ATRN: variants seen among roughly 807,000 people sequenced by gnomAD.
ATRN encodes attractin.
Under a neutral mutation model 178.7 loss-of-function variants are expected in ATRN, and 54 were observed. The ratio of observed to expected loss-of-function variants is 0.30; its 90% CI spans 0.24 to 0.38. The LOEUF (loss-of-function observed/expected upper bound fraction) is 0.38. Ranked by LOEUF, ATRN falls within the 10% of genes least tolerant of loss-of-function variation. The pLI is 1.00. For synonymous variants in ATRN, 636 were observed against 663.0 expected (o/e 0.96, Z 0.63); for missense variants, 1,443 against 1,815.1 (o/e 0.79, Z 3.73).
chr20:3,556,941 C>T (rs1384542153), intron 6 of ATRN, among the ~76,000 whole-genome samples: 1 of 152,146 alleles, frequency 6.6e-6, no homozygotes, highest in Non-Finnish European at 1.5e-5. Flanking sequence ...GAGCAAAATA[C>T]ATTAAGAGAC....
intron 15 of ATRN, among the ~76,000 whole-genome samples, chr20:3,579,183 C>T (rs1198579255): frequency 6.6e-6 from 1 of 152,084 alleles, no homozygotes; most frequent in African/African-American, 2.4e-5. Flanking sequence ...TGTATAATTA[C>T]CACTAAGAAG....
At chr20:3,491,876 G>A (rs1365203228) in intron 1 of ATRN, among the ~76,000 whole-genome samples, 1 of 152,128 alleles carries the variant, frequency 6.6e-6, no homozygotes, top group Non-Finnish European at 1.5e-5. Context: ...AAAATTTCTG[G>A]AAAGTGTAAG....
chr20:3,500,533 G>T (rs1276894237), intron 1 of ATRN, among the ~76,000 whole-genome samples: 1 of 151,618 alleles, frequency 6.6e-6, no homozygotes, highest in Non-Finnish European at 1.5e-5. Context: ...CATGTCCTTT[G>T]TAGGGACATG....
intron 13 of ATRN, among the ~76,000 whole-genome samples, chr20:3,576,551 C>T (rs2086211772): frequency 6.6e-6 from 1 of 152,046 alleles, no homozygotes; most frequent in Admixed American, 6.6e-5. Flanking sequence ...TCCCATTTTA[C>T]AGATGAGCAG....
chr20:3,492,501 G>A (rs1049298977), intron 1 of ATRN, among the ~76,000 whole-genome samples: 2 of 152,074 alleles, frequency 1.3e-5, no homozygotes, highest in Non-Finnish European at 2.9e-5. Flanking sequence ...GCTGCTGAAG[G>A]TAGCCAGAGG....
At chr20:3,626,553 C>T (rs182732059) in intron 25 of ATRN, among the ~76,000 whole-genome samples, 252 of 152,158 alleles carry the variant, frequency 1.7e-3, no homozygotes, top group Non-Finnish European at 2.5e-3. Context: ...CTTATTTCTT[C>T]TCTGTCAGTT....
chr20:3,543,798 C>T (rs879456507), intron 3 of ATRN, among the ~76,000 whole-genome samples: 1 of 151,912 alleles, frequency 6.6e-6, no homozygotes, highest in African/African-American at 2.4e-5. Flanking sequence ...TTTGTGAGGC[C>T]GAGGCAGGAG....
At chr20:3,560,298 C>T (rs1447819521) in intron 7 of ATRN, among the ~76,000 whole-genome samples, 1 of 152,120 alleles carries the variant, frequency 6.6e-6, no homozygotes, top group East Asian at 1.9e-4. Context: ...CCAGTTCAGT[C>T]CATGTTGCTA....
At chr20:3,564,771 A>C (rs1348384910) in intron 10 of ATRN, among the ~76,000 whole-genome samples, 1 of 152,178 alleles carries the variant, frequency 6.6e-6, no homozygotes, top group African/African-American at 2.4e-5. Context: ...TGCTTGCTTT[A>C]AAAAACATTC....
intron 9 of ATRN, 144 bp from the exon 10 acceptor site, chr20:3,563,065 A>C (rs1417745452): frequency 2.9e-6 from 2 of 681,738 alleles, no homozygotes; most frequent in Non-Finnish European, 4.5e-6. Flanking sequence ...TTGTTGAAAA[A>C]CTTACTTTTA....
intron 1 of ATRN, among the ~76,000 whole-genome samples, chr20:3,524,302 T>A (rs2085335304): frequency 6.9e-6 from 1 of 145,638 alleles, no homozygotes; most frequent in African/African-American, 2.5e-5. Flanking sequence ...CCAACAAAGA[T>A]CAAAAAAGAC....
intron 19 of ATRN, among the ~76,000 whole-genome samples, chr20:3,593,890 T>G (rs1226580517): frequency 6.6e-6 from 1 of 152,168 alleles, no homozygotes; most frequent in African/African-American, 2.4e-5. Flanking sequence ...GTTGGCCAGA[T>G]GAGGGAGATG....
chr20:3,556,156 AAC>A (rs1290679441), intron 6 of ATRN, among the ~76,000 whole-genome samples: 1 of 152,244 alleles, frequency 6.6e-6, no homozygotes, highest in Non-Finnish European at 1.5e-5. Context: ...GAAAAGCAAA[AAC>A]ACACAAAGGA....
At chr20:3,576,695 G>GTCTGTCTGTCTGTCTATCTATCTA (rs11472378) in intron 13 of ATRN, among the ~76,000 whole-genome samples, 164 bp from the exon 14 acceptor site, 3,019 of 142,316 alleles carry the variant, frequency 0.021, 42 homozygotes, top group East Asian at 0.053. Context: ...CTGTCTGTCT[G>GTCTGTCTGTCTGTCTATCTATCTA]TCTATCTATC....
Position 3,560,697 on chromosome 20 carries a change from A to G in ATRN, c.1239A>G (p.Ser413=), listed in dbSNP as rs1301778910. ...ACATGTATGGAGGAAAAATTGATTC[A>G]ACTGGGAATGTGACCAATGAGTTGA... ...KIYMYGGKID[S]TGNVTNELRV... Residue 413 remains serine, a synonymous_variant, in exon 8 of 29, where the codon TCA becomes TCG. Transcript: ENST00000262919. The G allele has an allele frequency of 5.0e-6, 8 of 1,613,218 alleles. No homozygotes were observed. Among genetic ancestry groups the G allele is most frequent in the Non-Finnish European group, 5.9e-6 (7 of 1,179,274 alleles).
At chr20:3,573,816 G>T (rs979067667) in intron 12 of ATRN, among the ~76,000 whole-genome samples, 1 of 151,850 alleles carries the variant, frequency 6.6e-6, no homozygotes, top group South Asian at 2.1e-4. Flanking sequence ...TCAGGCTGGA[G>T]TACAGCAGCG....
chr20:3,476,115 A>G (rs2084525857), intron 1 of ATRN, among the ~76,000 whole-genome samples: 1 of 152,232 alleles, frequency 6.6e-6, no homozygotes, highest in African/African-American at 2.4e-5. Flanking sequence ...ACTGCATTCC[A>G]TCCTGGGCAA....
intron 1 of ATRN, among the ~76,000 whole-genome samples, chr20:3,528,251 C>A (rs2085400558): frequency 6.6e-6 from 1 of 151,630 alleles, no homozygotes; most frequent in South Asian, 2.1e-4. Context: ...GCCTGTAATC[C>A]CAGCTACTCA....
intron 8 of ATRN, 61 bp downstream of exon 8, chr20:3,560,966 T>C (rs1313387300): frequency 1.9e-6 from 3 of 1,564,264 alleles, no homozygotes; most frequent in East Asian, 2.3e-5. Context: ...TCTAAGCTTA[T>C]TATTTTGACT....
Sources: allele counts gnomAD v4.1 joint callset (sites outside exome capture counted in the v4.1 genomes callset), GRCh38; gene constraint gnomAD v4.1.1; transcripts MANE v1.5; gene names NCBI Gene and HGNC (gene_info 2026-07-23, HGNC 2026-07-21).